NUP88: variants seen among roughly 807,000 people sequenced by gnomAD.
NUP88 encodes the protein nucleoporin 88.
Under a neutral mutation model 93.9 loss-of-function variants are expected in NUP88, and 57 were observed. The ratio of observed to expected loss-of-function variants is 0.61; its 90% CI spans 0.49 to 0.76. The LOEUF (loss-of-function observed/expected upper bound fraction) is 0.76. Ranked by LOEUF, NUP88 falls within the 30% of genes least tolerant of loss-of-function variation. The pLI, the probability that NUP88 is intolerant of heterozygous loss-of-function variation, is 0.00. For missense variants in NUP88, 911 were observed against 901.0 expected (o/e 1.01, Z -0.14); for synonymous variants, 346 against 336.8 (o/e 1.03, Z -0.30).
chr17:5,405,155 A>C lies in NUP88; in HGVS notation c.946T>G (p.Cys316Gly). 6.2e-7 allele frequency: 1 copy of C among 1,614,210 alleles called. No individual in the cohort carries two copies. The highest frequency in any genetic ancestry group is 2.2e-5 in the East Asian group (1 of 44,890). Residue 316 changes from cysteine to glycine, a missense_variant, in exon 6 of 17, where the codon TGC becomes GGC. Coordinates refer to ENST00000573584, the MANE Select transcript of NUP88 (RefSeq NM_002532.6). ...NYGYDACAVL[C>G]LPCVPNILVI... ...AAGATATTGGGGACACAGGGTAAGC[A>C]GAGTACAGCACACGCATCATAACCA... is the stretch of plus-strand genomic sequence containing the variant.
rs8066000 is a variant in NUP88 at position 5,406,713 on chromosome 17, C to A, written c.858-1470G>T. On this transcript the variant is annotated intron_variant, in intron 5 of 16. Transcript: ENST00000573584. ...TTGGCTTCCCTGGGCCACACTGGAA[C>A]AATTGTTTTGGGCCACACAGAAAAT... Among the ~76,000 whole-genome samples the A allele has an allele frequency of 2.6e-5, 4 of 151,596 alleles. No homozygotes were observed. The East Asian group carries it at 7.8e-4, about 29-fold the overall frequency.
intron 10 of NUP88, among the ~76,000 whole-genome samples, chr17:5,390,849 C>T (rs1191830267): frequency 1.3e-5 from 2 of 152,078 alleles, no homozygotes; most frequent in African/African-American, 4.8e-5. Context: ...TGTGTACCAC[C>T]ATGCCTGGCT....
In NUP88 at chr17:5,404,160, C is replaced by T; in HGVS notation, c.1131G>A (p.Leu377=). Residue 377 remains leucine, a synonymous_variant, in exon 7 of 17, where the codon CTG becomes CTA. Transcript: ENST00000573584. Reference sequence around the variant, plus strand: ...CAAAAGGGTCATCCTCTCCAGATGCCAGTTTCAAAGCAAGCTCCAACTCAA... The same window carrying T: ...CAAAAGGGTCATCCTCTCCAGATGCTAGTTTCAAAGCAAGCTCCAACTCAA... The part of the protein sequence containing the change: ...ECVELELALK[L]ASGEDDPFDS... 1 of 1,614,074 alleles carries T rather than the reference C, an allele frequency of 6.2e-7. No homozygotes were observed. Among genetic ancestry groups the T allele is most frequent in the South Asian group, 1.1e-5 (1 of 91,074 alleles).
chr17:5,394,882 A>G lies in NUP88; in HGVS notation c.1382+9T>C. ...GTTTTCTGATATACAAGGGAGGGAG[A>G]GTCCTTACCTGCAGGGCAATGGCTT... On this transcript the variant is annotated intron_variant, in intron 9 of 16. Coordinates refer to ENST00000573584, the MANE Select transcript of NUP88 (RefSeq NM_002532.6). 6.3e-7 allele frequency: 1 copy of G among 1,583,578 alleles called. No individual in the cohort carries two copies. The highest frequency in any genetic ancestry group is 8.7e-7 in the Non-Finnish European group (1 of 1,152,418).
chr17:5,402,961 G>A (rs144705666), intron 7 of NUP88, among the ~76,000 whole-genome samples: 90 of 152,276 alleles, frequency 5.9e-4, no homozygotes, highest in Admixed American at 2.0e-3. Flanking sequence ...CTGTACTCCA[G>A]CCTAGATGAC....
chr17:5,397,767 GAA>G (rs1192513835), intron 8 of NUP88, among the ~76,000 whole-genome samples: 2 of 152,182 alleles, frequency 1.3e-5, no homozygotes, highest in African/African-American at 4.8e-5. Flanking sequence ...TTTTGTAGAT[GAA>G]AAGTTTCCTC....
chr17:5,396,934 T>C (rs1912813740), intron 8 of NUP88, among the ~76,000 whole-genome samples: 1 of 152,244 alleles, frequency 6.6e-6, no homozygotes, highest in South Asian at 2.1e-4. Flanking sequence ...CTGTATCAAA[T>C]GCTAAGGGTT....
chr17:5,394,917 G>T lies in NUP88; in HGVS notation c.1356C>A (p.Ile452=), dbSNP rs574618342. The T allele has an allele frequency of 4.3e-6, 7 of 1,613,320 alleles. No individual in the cohort carries two copies. The highest frequency in any genetic ancestry group is 5.9e-6 in the Non-Finnish European group (7 of 1,179,282). The change falls in exon 9 of 17, where the codon ATC becomes ATA. Residue 452 remains isoleucine (I), a synonymous_variant. Transcript: ENST00000573584. ...STEQKCFVEH[I]LCTKPLPCRQ... is the part of the protein sequence containing the mutation. ...TGCAGGGCAATGGCTTCGTACAAAG[G>T]ATGTGTTCAACAAAGCATTTCTGTT...
intron 3 of NUP88, among the ~76,000 whole-genome samples, chr17:5,412,571 G>C (rs1016843623): frequency 6.6e-6 from 1 of 152,110 alleles, no homozygotes; most frequent in African/African-American, 2.4e-5. Context: ...TCAGGGCATA[G>C]AGAACTGACA....
intron 4 of NUP88, among the ~76,000 whole-genome samples, chr17:5,409,270 A>T (rs1363960872): frequency 6.6e-6 from 1 of 151,480 alleles, no homozygotes; most frequent in Non-Finnish European, 1.5e-5. Context: ...GCTACTTGGG[A>T]GGCTAAGGCA....
At chr17:5,387,580 T>C (rs774848230) in intron 13 of NUP88, 25 bp downstream of exon 13, 1 of 1,605,066 alleles carries the variant, frequency 6.2e-7, no homozygotes, top group South Asian at 1.1e-5. Flanking sequence ...TGACCTATTG[T>C]ATTCTTCTTA....
intron 5 of NUP88, among the ~76,000 whole-genome samples, chr17:5,406,161 G>C (rs760571555): frequency 6.6e-6 from 1 of 152,004 alleles, no homozygotes; most frequent in Non-Finnish European, 1.5e-5. Flanking sequence ...AAGGATTTAT[G>C]GTGTACAAAG....
At chr17:5,402,939 A>G (rs1913257577) in intron 7 of NUP88, among the ~76,000 whole-genome samples, 1 of 152,162 alleles carries the variant, frequency 6.6e-6, no homozygotes. Context: ...GCAGTGAGCC[A>G]AGATCACGCC....
chr17:5,390,853 CCTGG>C (rs1244873013), intron 10 of NUP88, among the ~76,000 whole-genome samples: 2 of 152,028 alleles, frequency 1.3e-5, no homozygotes, highest in Admixed American at 6.6e-5. Flanking sequence ...TACCACCATG[CCTGG>C]CTAATTTTTT....
intron 4 of NUP88, 86 bp from the exon 5 acceptor site, chr17:5,408,995 T>C: frequency 8.4e-7 from 1 of 1,188,526 alleles, no homozygotes; most frequent in South Asian, 1.6e-5. Context: ...AAACACAAAA[T>C]GTCTAATAAC....
At chr17:5,393,361 G>A (rs939382212) in intron 9 of NUP88, among the ~76,000 whole-genome samples, 2 of 151,710 alleles carry the variant, frequency 1.3e-5, no homozygotes, top group African/African-American at 2.4e-5. Context: ...CTGACAAAGT[G>A]CTGGGATTAT....
Position 5,410,671 on chromosome 17 carries a change from A to G in NUP88, c.680+32T>C. On this transcript the variant is annotated intron_variant, in intron 4 of 16. Coordinates refer to ENST00000573584, the MANE Select transcript of NUP88 (RefSeq NM_002532.6). ...TTTATAATCCCAATAAGCTAATTAA[A>G]AAACCATTTCAAGACTCAAATAAAA... The G allele has an allele frequency of 1.5e-6, 2 of 1,357,706 alleles. 1 individual carries two copies. The highest frequency in any genetic ancestry group is 4.6e-5 in the East Asian group (2 of 43,526). 84.1% of individuals were successfully genotyped at this position (1,357,706 alleles called of 1,614,324 possible).
rs142579064 is a variant in NUP88, at chr17:5,402,948, C to T, written c.1192+1151G>A. ...GGCAAAGCAGTGAGCCAAGATCACG[C>T]CACTGTACTCCAGCCTAGATGACAC... On this transcript the variant is annotated intron_variant, in intron 7 of 16. Coordinates refer to ENST00000573584, the MANE Select transcript of NUP88 (RefSeq NM_002532.6). Among the ~76,000 whole-genome samples, 39 of 152,198 alleles carry T rather than the reference C, an allele frequency of 2.6e-4. 1 individual carries two copies. In the East Asian group the frequency reaches 6.2e-3, roughly 24 times the overall value.
At chr17:5,408,166 A>C (rs1345016512) in intron 5 of NUP88, among the ~76,000 whole-genome samples, 1 of 152,204 alleles carries the variant, frequency 6.6e-6, no homozygotes, top group African/African-American at 2.4e-5. Context: ...GCTTATTTTC[A>C]GACGCTACTT....
Sources: allele counts gnomAD v4.1 joint callset (sites outside exome capture counted in the v4.1 genomes callset), GRCh38; gene constraint gnomAD v4.1.1; transcripts MANE v1.5; gene names NCBI Gene and HGNC (gene_info 2026-07-23, HGNC 2026-07-21).